Variants in NFIB observed in about 807,000 individuals in gnomAD.
NFIB encodes nuclear factor 1 B-type.
In NFIB, 11 loss-of-function variants were observed where a neutral mutation model predicts 61.5. The observed-to-expected ratio is 0.18, with a 90% CI of 0.11 to 0.30. The LOEUF is 0.30. NFIB is among the 10% of genes least tolerant of loss of function. The pLI, the probability that NFIB is intolerant of heterozygous loss-of-function variation, is 1.00. For missense variants in NFIB, 471 were observed against 608.9 expected, an observed-to-expected ratio of 0.77 and a Z score of 2.38; for synonymous variants, 260 against 216.5, an observed-to-expected ratio of 1.20 and a Z score of -1.76.
At chr9:14,280,226 TCC>T (rs2058278152) in intron 2 of NFIB, among the ~76,000 whole-genome samples, 1 of 152,188 alleles carries the variant, frequency 6.6e-6, no homozygotes, top group Non-Finnish European at 1.5e-5. Context: ...AAAGGCTGAT[TCC>T]ACCACTTGCT....
At chr9:14,181,212 G>C (rs903771274) in intron 2 of NFIB, among the ~76,000 whole-genome samples, 10 of 152,124 alleles carry the variant, frequency 6.6e-5, no homozygotes, top group African/African-American at 2.4e-4. Context: ...GCTGAAATCA[G>C]AATTTTACCC....
intron 2 of NFIB, among the ~76,000 whole-genome samples, chr9:14,293,015 T>C (rs991540656): frequency 6.6e-6 from 1 of 152,280 alleles, no homozygotes; most frequent in African/African-American, 2.4e-5. Context: ...TCTAAAAGGA[T>C]TAAATAACAG....
the NFIB span, among the ~76,000 whole-genome samples, chr9:14,436,805 T>C: frequency 6.6e-6 from 1 of 152,182 alleles, no homozygotes; most frequent in South Asian, 2.1e-4. Flanking sequence ...AGTTCAGTTA[T>C]TTTTTCTGAA....
chr9:14,524,951 C>T, the NFIB span, among the ~76,000 whole-genome samples: 1 of 152,218 alleles, frequency 6.6e-6, no homozygotes, highest in South Asian at 2.1e-4. Context: ...CTCACAAGAG[C>T]TCCAGGAGGT....
At chr9:14,435,869 T>C in the NFIB span, among the ~76,000 whole-genome samples, 7 of 152,316 alleles carry the variant, frequency 4.6e-5, no homozygotes, top group Middle Eastern at 3.4e-3. Context: ...CACAAAAGAT[T>C]TGAAAAAGGA....
intron 1 of NFIB, among the ~76,000 whole-genome samples, chr9:14,352,106 C>G (rs572023582): frequency 2.0e-5 from 3 of 152,168 alleles, no homozygotes; most frequent in African/African-American, 7.2e-5. Flanking sequence ...TGCAGCAACG[C>G]TAAAGAGCAT....
chr9:14,169,795 G>T (rs556244479), intron 3 of NFIB, among the ~76,000 whole-genome samples: 25 of 152,336 alleles, frequency 1.6e-4, no homozygotes, highest in Admixed American at 1.2e-3. Flanking sequence ...TCCAGCCTGG[G>T]CAACAGAGCA....
intron 2 of NFIB, among the ~76,000 whole-genome samples, chr9:14,238,538 G>C (rs983589508): frequency 3.3e-5 from 5 of 152,184 alleles, no homozygotes; most frequent in African/African-American, 1.2e-4. Context: ...TTTCACATTG[G>C]TTGTTTCAGT....
chr9:14,403,677 A>G (rs1201039845), upstream of NFIB, among the ~76,000 whole-genome samples: 2 of 152,284 alleles, frequency 1.3e-5, no homozygotes, highest in Admixed American at 1.3e-4. Context: ...GGATGAAAGG[A>G]GATTTTCTTG....
At chr9:14,447,756 G>T in the NFIB span, among the ~76,000 whole-genome samples, 4 of 152,046 alleles carry the variant, frequency 2.6e-5, no homozygotes, top group South Asian at 8.3e-4. Flanking sequence ...TGGGCTCTGG[G>T]ATTTATGTCC....
At chr9:14,207,197 G>C (rs2049833149) in intron 2 of NFIB, among the ~76,000 whole-genome samples, 1 of 152,110 alleles carries the variant, frequency 6.6e-6, no homozygotes, top group African/African-American at 2.4e-5. Context: ...AACTGAAAAA[G>C]CCAGGAATTA....
intron 2 of NFIB, among the ~76,000 whole-genome samples, chr9:14,241,630 T>C (rs1211696383): frequency 6.6e-6 from 1 of 152,146 alleles, no homozygotes; most frequent in African/African-American, 2.4e-5. Context: ...CAAGAAACTT[T>C]ACACTCTGAA....
Position 14,329,797 on chromosome 9 carries a change from G to A in NFIB, c.109-22277C>T, listed in dbSNP as rs943129924. ...CAAAGTGCTGGGATTATAGGCGTGA[G>A]CCACCACGCCCAGCCATCTTTCTCT... On this transcript the variant is annotated intron_variant, in intron 1 of 8. Coordinates refer to the NFIB transcript ENST00000380934. Among the ~76,000 whole-genome samples, 2 of 151,354 alleles carry A rather than the reference G, an allele frequency of 1.3e-5. 1 individual carries two copies. Among genetic ancestry groups the A allele is most frequent in the Admixed American group, 1.3e-4 (2 of 15,242 alleles).
At chr9:14,277,953 T>G (rs961415783) in intron 2 of NFIB, among the ~76,000 whole-genome samples, 13 of 152,162 alleles carry the variant, frequency 8.5e-5, no homozygotes, top group Admixed American at 2.0e-4. Flanking sequence ...GGCAAAGCGC[T>G]CACAAAGATG....
chr9:14,355,725 G>A (rs2061168621), intron 1 of NFIB, among the ~76,000 whole-genome samples: 1 of 152,166 alleles, frequency 6.6e-6, no homozygotes, highest in Admixed American at 6.5e-5. Context: ...GGGAGGCCGA[G>A]GCAGGTGGAT....
At chr9:14,089,261 T>C (rs900905450) in intron 10 of NFIB, among the ~76,000 whole-genome samples, 13 of 151,550 alleles carry the variant, frequency 8.6e-5, no homozygotes, top group African/African-American at 1.2e-4. Context: ...TTTGGAGTGA[T>C]AGATGGCGGG....
intron 2 of NFIB, among the ~76,000 whole-genome samples, chr9:14,222,706 G>C (rs990935058): frequency 6.4e-5 from 9 of 141,484 alleles, no homozygotes; most frequent in African/African-American, 2.4e-4. Context: ...GAGCTGGGAG[G>C]ATGGCTTAAG....
At chr9:14,179,634 G>C in intron 3 of NFIB, 93 bp downstream of exon 3, 2 of 1,367,770 alleles carry the variant, frequency 1.5e-6, no homozygotes, top group East Asian at 2.4e-5. Flanking sequence ...GAACAAAATA[G>C]GCAGCTGACC....
At chr9:14,248,996 C>T (rs992826889) in intron 2 of NFIB, among the ~76,000 whole-genome samples, 12 of 152,192 alleles carry the variant, frequency 7.9e-5, no homozygotes, top group East Asian at 1.9e-4. Context: ...TTTTAAATTA[C>T]ATCAGAGAAT....
Sources: gnomAD v4.1 joint callset for allele counts (sites outside exome capture counted in the v4.1 genomes callset) on GRCh38, gnomAD v4.1.1 for gene constraint, MANE v1.5 for transcripts, NCBI Gene and HGNC (gene_info 2026-07-23, HGNC 2026-07-21) for gene names.